MOB3B: variants seen among roughly 807,000 people sequenced by gnomAD.
MOB3B encodes the protein MOB kinase activator 3B.
MOB3B carries 7 observed loss-of-function variants against 18.7 expected under a neutral mutation model. The observed-to-expected ratio is 0.37, with a 90% CI of 0.21 to 0.70. MOB3B has a LOEUF of 0.70. Among genes scored for constraint, MOB3B ranks in the 30% least tolerant of loss-of-function variants. The probability of loss-of-function intolerance (pLI) is 0.52; values close to 1 mark genes in which losing one functional copy is unlikely to be tolerated. For missense variants in MOB3B, 253 were observed against 281.3 expected (o/e 0.90, Z 0.72); for synonymous variants, 111 against 99.9 (o/e 1.11, Z -0.66).
At chr9:27,397,173 T>C (rs1442035472) in intron 2 of MOB3B, 1 of 152,186 alleles carries the variant, frequency 6.6e-6, no homozygotes, top group Non-Finnish European at 1.5e-5. Context: ...GATAGCGCTG[T>C]TCAAGAGAAA....
intron 2 of MOB3B, among the ~76,000 whole-genome samples, chr9:27,385,055 A>G (rs1231827125): frequency 6.6e-6 from 1 of 152,214 alleles, no homozygotes; most frequent in East Asian, 1.9e-4. Flanking sequence ...AGTAGCATCA[A>G]GTCAAAGCTG....
At chr9:27,514,669 C>G (rs550541563) in intron 1 of MOB3B, among the ~76,000 whole-genome samples, 2 of 152,310 alleles carry the variant, frequency 1.3e-5, no homozygotes, top group South Asian at 4.1e-4. Flanking sequence ...CCTGAGAATG[C>G]CAACATGTGT....
chr9:27,355,330 G>A (rs148350661), intron 3 of MOB3B, among the ~76,000 whole-genome samples: 162 of 152,240 alleles, frequency 1.1e-3, no homozygotes, highest in African/African-American at 3.7e-3. Flanking sequence ...ATGTCCCACC[G>A]GTGGCGTGGG....
chr9:27,336,964 G>C (rs1390645488), intron 3 of MOB3B, among the ~76,000 whole-genome samples: 1 of 152,200 alleles, frequency 6.6e-6, no homozygotes, highest in African/African-American at 2.4e-5. Flanking sequence ...AAAGGGTATT[G>C]CACGTTTCAC....
chr9:27,505,390 A>T (rs1331115253), intron 1 of MOB3B, among the ~76,000 whole-genome samples: 1 of 152,188 alleles, frequency 6.6e-6, no homozygotes, highest in Non-Finnish European at 1.5e-5. Context: ...GATACATTCT[A>T]CATTAAAACC....
At chr9:27,388,248 T>G (rs1266974464) in intron 2 of MOB3B, among the ~76,000 whole-genome samples, 5 of 152,132 alleles carry the variant, frequency 3.3e-5, no homozygotes, top group Non-Finnish European at 2.9e-5. Context: ...GTGACTGATT[T>G]GCGTCTAAAA....
At chr9:27,355,738 A>AT (rs1394254189) in intron 3 of MOB3B, among the ~76,000 whole-genome samples, 7 of 148,860 alleles carry the variant, frequency 4.7e-5, no homozygotes, top group Non-Finnish European at 1.0e-4. Context: ...TTTTTTTTGT[A>AT]TTTTTCGTAG....
At chr9:27,471,476 A>G (rs1224890357) in intron 1 of MOB3B, among the ~76,000 whole-genome samples, 2 of 152,122 alleles carry the variant, frequency 1.3e-5, no homozygotes, top group Admixed American at 1.3e-4. Flanking sequence ...TGTTGTATAG[A>G]CTGGTCGTTA....
chr9:27,459,779 G>C (rs1476547466), intron 1 of MOB3B, among the ~76,000 whole-genome samples: 1 of 150,462 alleles, frequency 6.6e-6, no homozygotes, highest in Non-Finnish European at 1.5e-5. Flanking sequence ...GAGGGCAGCT[G>C]CTGCTATTGC....
intron 1 of MOB3B, among the ~76,000 whole-genome samples, chr9:27,508,062 G>A (rs1820086217): frequency 6.6e-6 from 1 of 152,170 alleles, no homozygotes; most frequent in South Asian, 2.1e-4. Context: ...TTGCTAAATT[G>A]CTGCAACCAG....
chr9:27,418,068 G>T (rs1822181364), intron 2 of MOB3B, among the ~76,000 whole-genome samples: 1 of 127,366 alleles, frequency 7.9e-6, no homozygotes, highest in African/African-American at 2.9e-5. Flanking sequence ...CTCCAGCCTG[G>T]GAGACAGGGT....
chr9:27,422,477 C>G (rs757547782), intron 2 of MOB3B, among the ~76,000 whole-genome samples: 3 of 152,116 alleles, frequency 2.0e-5, no homozygotes, highest in Non-Finnish European at 2.9e-5. Context: ...TTCTAGACAC[C>G]CTATGGAAGT....
At chr9:27,500,529 A>G (rs1413443846) in intron 1 of MOB3B, among the ~76,000 whole-genome samples, 1 of 152,228 alleles carries the variant, frequency 6.6e-6, no homozygotes, top group African/African-American at 2.4e-5. Context: ...TGGTACTGGG[A>G]AAACTCGCTA....
chr9:27,505,323 G>A (rs1163581274), intron 1 of MOB3B, among the ~76,000 whole-genome samples: 1 of 152,230 alleles, frequency 6.6e-6, no homozygotes. Context: ...ATGACGGCCT[G>A]GTGTTCCTGC....
intron 1 of MOB3B, among the ~76,000 whole-genome samples, chr9:27,494,324 G>A (rs1171816785): frequency 6.6e-6 from 1 of 152,104 alleles, no homozygotes; most frequent in Non-Finnish European, 1.5e-5. Context: ...AGTACTTGAT[G>A]TCTGTGACCC....
intron 1 of MOB3B, among the ~76,000 whole-genome samples, chr9:27,474,383 A>G (rs567684984): frequency 6.6e-6 from 1 of 152,328 alleles, no homozygotes; most frequent in African/African-American, 2.4e-5. Flanking sequence ...ATTCAAGTGG[A>G]ACTTCCCTAG....
At chr9:27,373,226 T>C (rs1161302843) in intron 2 of MOB3B, among the ~76,000 whole-genome samples, 5 of 152,208 alleles carry the variant, frequency 3.3e-5, no homozygotes, top group Non-Finnish European at 7.3e-5. Context: ...AAACCAAGCA[T>C]GGGGCCATTC....
At chr9:27,466,793 C>A (rs1003840552) in intron 1 of MOB3B, among the ~76,000 whole-genome samples, 1 of 152,072 alleles carries the variant, frequency 6.6e-6, no homozygotes, top group East Asian at 1.9e-4. Context: ...AAAGACCGGC[C>A]CTTATGATTC....
At chr9:27,529,152 T>C (rs1283191203) in intron 1 of MOB3B, among the ~76,000 whole-genome samples, 1 of 152,178 alleles carries the variant, frequency 6.6e-6, no homozygotes, top group Non-Finnish European at 1.5e-5. Context: ...TGTAAAAGTT[T>C]GTCTTCCCGC....
Sources: allele counts gnomAD v4.1 joint callset (sites outside exome capture counted in the v4.1 genomes callset), GRCh38; gene constraint gnomAD v4.1.1; transcripts MANE v1.5; gene names NCBI Gene and HGNC (gene_info 2026-07-23, HGNC 2026-07-21).